Variants in RABGGTB observed in about 807,000 individuals in gnomAD.
RABGGTB encodes the protein geranylgeranyl transferase type-2 subunit beta.
RABGGTB carries 20 observed loss-of-function variants against 44.5 expected under a neutral mutation model. The ratio of observed to expected loss-of-function variants is 0.45; its 90% CI spans 0.32 to 0.65. RABGGTB has a LOEUF of 0.65. RABGGTB is among the 30% of genes least tolerant of loss of function. RABGGTB has a pLI of 0.05. For missense variants in RABGGTB, 302 were observed against 398.7 expected, an observed-to-expected ratio of 0.76 and a Z score of 2.06; for synonymous variants, 128 against 136.7, an observed-to-expected ratio of 0.94 and a Z score of 0.44.
intron 5 of RABGGTB, 36 bp downstream of exon 5, chr1:75,791,373 TC>T (rs779590370): frequency 6.3e-7 from 1 of 1,591,490 alleles, no homozygotes; most frequent in Admixed American, 1.7e-5. Flanking sequence ...TGATTAAAGT[TC>T]ATGAATACTC....
intron 7 of RABGGTB, chr1:75,793,848 A>C (rs1649706424): frequency 4.9e-6 from 2 of 409,818 alleles, no homozygotes; most frequent in Middle Eastern, 6.5e-4. Flanking sequence ...GATATTTAGC[A>C]TGGTTACCTA....
rs530837380 is a variant in RABGGTB, at chr1:75,790,990, A to G, written c.416-295A>G. On this transcript the variant is annotated intron_variant, in intron 4 of 8. Transcript: ENST00000319942. ...TTTTTTGTAGAGATGGGGTCCCATT[A>G]TGTTGCCTCGGCTAGTCTCAAACTC... Among the ~76,000 whole-genome samples the G allele has an allele frequency of 5.3e-5, 8 of 152,178 alleles. No homozygotes were observed. The East Asian group carries it at 7.7e-4, about 15-fold the overall frequency.
At chr1:75,790,563 ATTAG>A in intron 4 of RABGGTB, 1 of 822,522 alleles carries the variant, frequency 1.2e-6, no homozygotes, top group South Asian at 5.6e-5. Flanking sequence ...TTTGGGTTCT[ATTAG>A]TTTTCTTCTC....
chr1:75,786,788 C>G (rs1370158626), intron 1 of RABGGTB: 2 of 296,768 alleles, frequency 6.7e-6, no homozygotes, highest in East Asian at 1.0e-4. Context: ...TACAGAGACT[C>G]GGATTAAAGG....
chr1:75,786,921 GA>G, intron 1 of RABGGTB: 1 of 355,780 alleles, frequency 2.8e-6, no homozygotes, highest in South Asian at 2.1e-5. Context: ...TTAAGGGTTA[GA>G]TTTTTTTATT....
At position 75,789,125 on chromosome 1, in the gene RABGGTB, A is replaced by C. The variant is rs1267845088; in HGVS notation, c.112-34A>C. The C allele has an allele frequency of 5.0e-6, 8 of 1,586,646 alleles. No homozygotes were observed. The Admixed American group carries it at 1.0e-4, about 20-fold the overall frequency. On this transcript the variant is annotated intron_variant, in intron 2 of 8. Coordinates refer to ENST00000319942, the MANE Select transcript of RABGGTB (RefSeq NM_004582.4). ...CTCTTTATAACTTGTTACCAGTTCA[A>C]ATGACAGATTTAAGAAATTGTGTAT...
At chr1:75,791,369 A>C (rs748254252) in intron 5 of RABGGTB, 32 bp downstream of exon 5, 1 of 1,598,278 alleles carries the variant, frequency 6.3e-7, no homozygotes, top group South Asian at 1.1e-5. Context: ...GAAATGATTA[A>C]AGTTCATGAA....
At chr1:75,793,980 G>T in intron 7 of RABGGTB, 104 bp from the exon 8 acceptor site, 2 of 1,141,192 alleles carry the variant, frequency 1.8e-6, no homozygotes, top group Non-Finnish European at 2.4e-6. Context: ...TTGACACTTT[G>T]AACATCAGAT....
In RABGGTB at chr1:75,794,658, G is replaced by T. The variant is rs199749587; in HGVS notation, c.*8G>T. 23 of 1,583,978 alleles carry T rather than the reference G, an allele frequency of 1.5e-5. No homozygotes were observed. In the Admixed American group the frequency reaches 3.4e-4, roughly 23 times the overall value. On this transcript the variant is annotated 3_prime_UTR_variant, in exon 9 of 9. Coordinates refer to ENST00000319942, the MANE Select transcript of RABGGTB (RefSeq NM_004582.4). ...CCTGAGCTAGTGAGCTAGATTCATTGAATTGAAAGTTGCATAGTATAGTTT... is the reference window on the plus strand; with the variant it reads ...CCTGAGCTAGTGAGCTAGATTCATTTAATTGAAAGTTGCATAGTATAGTTT...
intron 6 of RABGGTB, 149 bp from the exon 7 acceptor site, chr1:75,792,032 A>G: frequency 1.5e-6 from 1 of 646,152 alleles, no homozygotes; most frequent in Non-Finnish European, 2.6e-6. Flanking sequence ...ATTTTTTCAG[A>G]TATGTGGTAT....
In RABGGTB at chr1:75,791,349, A is replaced by G. The variant is rs1649639856; in HGVS notation, c.468+12A>G. ...CTTTGGCTTTGTTGGTAAGCTTTGA[A>G]TATTTGATTGAAATGATTAAAGTTC... On this transcript the variant is annotated intron_variant, in intron 5 of 8. Transcript: ENST00000319942. 6.2e-6 allele frequency: 10 copies of G among 1,605,174 alleles called. No homozygotes were observed. Among genetic ancestry groups the G allele is most frequent in the Non-Finnish European group, 8.5e-6 (10 of 1,172,860 alleles).
chr1:75,787,208 G>T, intron 1 of RABGGTB: 2 of 628,358 alleles, frequency 3.2e-6, no homozygotes, highest in Non-Finnish European at 5.9e-6. Context: ...CTTTTTTGTT[G>T]GATACAATTT....
chr1:75,790,961 A>G (rs1051786531), intron 4 of RABGGTB, among the ~76,000 whole-genome samples: 28 of 151,972 alleles, frequency 1.8e-4, no homozygotes, highest in African/African-American at 6.5e-4. Context: ...TTTTTTTTAA[A>G]AAGTTTTTTG....
At position 75,791,290 on chromosome 1, in the gene RABGGTB, A is replaced by G. The variant is rs969265608; in HGVS notation, c.421A>G (p.Ile141Val). The G allele has an allele frequency of 1.9e-6, 3 of 1,609,190 alleles. No individual in the cohort carries two copies. Among genetic ancestry groups the G allele is most frequent in the Non-Finnish European group, 2.6e-6 (3 of 1,175,564 alleles). The part of the protein sequence containing the change: ...GSFAGDIWGE[I>V]DTRFSFCAVA... The stretch of plus-strand genomic sequence containing the variant: ...TTGATCTATTTTTATTGTAGGAGAA[A>G]TTGACACAAGATTCTCTTTTTGTGC... Residue 141 changes from isoleucine to valine, a missense_variant, in exon 5 of 9, where the codon ATT becomes GTT. Around this residue, in one of 2 missense-constraint regions of RABGGTB, gnomAD observed 213 missense variants for 323.7 expected, o/e 0.66. Transcript: ENST00000319942.
chr1:75,791,475 T>C lies in RABGGTB; in HGVS notation c.483T>C (p.Ala161=). The C allele has an allele frequency of 6.2e-7, 1 of 1,613,166 alleles. No individual in the cohort carries two copies. Among genetic ancestry groups the C allele is most frequent in the Non-Finnish European group, 8.5e-7 (1 of 1,179,788 alleles). The change falls in exon 6 of 9, where the codon GCT becomes GCC. Residue 161 remains alanine, a synonymous_variant. Coordinates refer to ENST00000319942, the MANE Select transcript of RABGGTB (RefSeq NM_004582.4). ...TTTGTTTGTAGGGGAAGCTTGATGC[T>C]ATTAATGTGGAAAAGGCAATCGAAT... ...ATLALLGKLD[A]INVEKAIEFV... is the part of the protein sequence containing the mutation.
At position 75,794,722 on chromosome 1, in the gene RABGGTB, A is replaced by G. The variant is rs757382329; in HGVS notation, c.*72A>G. ...TTTCTGTATTTGAAGTGCTTATCGA[A>G]TCTAAAAGTGACTACTGTTAATATT... On this transcript the variant is annotated 3_prime_UTR_variant, in exon 9 of 9. Coordinates refer to ENST00000319942, the MANE Select transcript of RABGGTB (RefSeq NM_004582.4). 1 of 1,275,390 alleles carries G rather than the reference A, an allele frequency of 7.8e-7. No individual in the cohort carries two copies. The highest frequency in any genetic ancestry group is 1.0e-6 in the Non-Finnish European group (1 of 959,474). 79.0% of individuals were successfully genotyped at this position (1,275,390 alleles called of 1,614,324 possible).
rs1557483066 is a variant in RABGGTB at position 75,794,572 on chromosome 1, T to A, written c.918T>A (p.Ile306=). The A allele has an allele frequency of 6.2e-7, 1 of 1,613,420 alleles. No individual in the cohort carries two copies. Among genetic ancestry groups the A allele is most frequent in the East Asian group, 2.2e-5 (1 of 44,838 alleles). ...TGTCACTTTTGGGAGAAGAACAGAT[T>A]AAACCTGTTAATCCTGTCTTTTGCA... The part of the protein sequence containing the change: ...AGLSLLGEEQ[I]KPVNPVFCMP... Residue 306 remains isoleucine (I), a synonymous_variant, in exon 9 of 9, where the codon ATT becomes ATA. Transcript: ENST00000319942.
intron 8 of RABGGTB, 46 bp downstream of exon 8, chr1:75,794,279 G>A: frequency 1.3e-6 from 2 of 1,556,862 alleles, no homozygotes; most frequent in South Asian, 1.2e-5. Flanking sequence ...TTCAGCGTTT[G>A]CATTACTTCA....
At chr1:75,786,200 C>T, upstream of RABGGTB, 1 of 1,592,026 alleles carries the variant, frequency 6.3e-7, no homozygotes, top group Non-Finnish European at 8.6e-7. Flanking sequence ...GCCTGAGAGG[C>T]GCATCTGCGC....
Sources: gnomAD v4.1 joint callset for allele counts (sites outside exome capture counted in the v4.1 genomes callset) on GRCh38, gnomAD v4.1.1 for gene constraint, gnomAD v4.1.1 regional missense constraint, MANE v1.5 for transcripts, NCBI Gene and HGNC (gene_info 2026-07-23, HGNC 2026-07-21) for gene names.